Variants in ST3GAL3 observed in about 807,000 individuals in gnomAD.
ST3GAL3 encodes the protein CMP-N-acetylneuraminate-beta-1,4-galactoside alpha-2,3-sialyltransferase.
ST3GAL3 carries 21 observed loss-of-function variants against 50.1 expected under a neutral mutation model. That is an observed-to-expected ratio of 0.42 (90% CI 0.30 to 0.60). ST3GAL3 has a LOEUF of 0.60. Among genes scored for constraint, ST3GAL3 ranks in the 20% least tolerant of loss-of-function variants. ST3GAL3 has a pLI of 0.19. For synonymous variants in ST3GAL3, 183 were observed against 190.0 expected, an observed-to-expected ratio of 0.96 and a Z score of 0.30; for missense variants, 353 against 489.4, an observed-to-expected ratio of 0.72 and a Z score of 2.63.
chr1:43,926,102 G>A (rs1330514852), intron 11 of ST3GAL3, among the ~76,000 whole-genome samples: 1 of 152,100 alleles, frequency 6.6e-6, no homozygotes, highest in Non-Finnish European at 1.5e-5. Context: ...AGGATGACGT[G>A]GCTTCATACG....
chr1:43,835,853 G>A (rs2064241086), intron 4 of ST3GAL3, among the ~76,000 whole-genome samples: 1 of 152,188 alleles, frequency 6.6e-6, no homozygotes, highest in African/African-American at 2.4e-5. Context: ...GACATGAAGA[G>A]ACTCAAAATG....
At chr1:43,739,961 G>A (rs890594191) in intron 2 of ST3GAL3, among the ~76,000 whole-genome samples, 10 of 151,966 alleles carry the variant, frequency 6.6e-5, no homozygotes, top group South Asian at 6.2e-4. Context: ...AAATATGTAC[G>A]CATACATATA....
At chr1:43,907,758 C>T (rs866865497) in intron 9 of ST3GAL3, among the ~76,000 whole-genome samples, 1 of 152,170 alleles carries the variant, frequency 6.6e-6, no homozygotes, top group African/African-American at 2.4e-5. Flanking sequence ...TCCTTTCTCA[C>T]CTCTTTGCCG....
At chr1:43,715,537 C>T (rs903800425) in intron 1 of ST3GAL3, among the ~76,000 whole-genome samples, 6 of 151,214 alleles carry the variant, frequency 4.0e-5, no homozygotes, top group African/African-American at 1.5e-4. Context: ...GATCATGCCA[C>T]TACACTCCAG....
intron 2 of ST3GAL3, among the ~76,000 whole-genome samples, chr1:43,777,678 A>T (rs1006106514): frequency 6.6e-6 from 1 of 152,258 alleles, no homozygotes; most frequent in African/African-American, 2.4e-5. Flanking sequence ...AGGCAATACC[A>T]TTCAGGACAT....
intron 9 of ST3GAL3, among the ~76,000 whole-genome samples, chr1:43,905,099 A>C (rs919357126): frequency 0.042 from 300 of 7,068 alleles, 4 homozygotes; most frequent in Middle Eastern, 0.1. Context: ...CACTCTTCCT[A>C]CCCTTCATCC....
chr1:43,913,325 C>T (rs2081254361), intron 9 of ST3GAL3: 1 of 152,182 alleles, frequency 6.6e-6, no homozygotes, highest in Non-Finnish European at 1.5e-5. Context: ...CTGTAAAACG[C>T]ACAGCATCTC....
intron 5 of ST3GAL3, among the ~76,000 whole-genome samples, chr1:43,843,479 T>C (rs2065750849): frequency 6.6e-6 from 1 of 152,252 alleles, no homozygotes; most frequent in African/African-American, 2.4e-5. Context: ...TTTTTACACA[T>C]TGCTCTATTC....
rs528646773 is a variant in ST3GAL3 at position 43,885,062 on chromosome 1, C to T, written c.303-9321C>T. Among the ~76,000 whole-genome samples, 4 of 152,356 alleles carry T rather than the reference C, an allele frequency of 2.6e-5. No homozygotes were observed. The South Asian group carries it at 6.2e-4, about 24-fold the overall frequency. ...ATGAGCCAGTGTTGAGGACATTCAC[C>T]TTATACGCTGCACCTTAGCCACATT... On this transcript the variant is annotated intron_variant, in intron 5 of 11. Transcript: ENST00000347631.
intron 11 of ST3GAL3, among the ~76,000 whole-genome samples, chr1:43,925,535 T>C (rs1437813390): frequency 1.3e-5 from 2 of 152,228 alleles, no homozygotes; most frequent in African/African-American, 4.8e-5. Flanking sequence ...GCCACTGTTA[T>C]TTACCAATCC....
chr1:43,776,514 T>A (rs1040627015), intron 2 of ST3GAL3, among the ~76,000 whole-genome samples: 2 of 152,206 alleles, frequency 1.3e-5, no homozygotes, highest in Admixed American at 6.5e-5. Flanking sequence ...CACTTTAAAC[T>A]CTTATTATCA....
At chr1:43,731,477 C>T (rs560424088) in intron 1 of ST3GAL3, among the ~76,000 whole-genome samples, 14 of 149,766 alleles carry the variant, frequency 9.3e-5, no homozygotes, top group African/African-American at 2.7e-4. Flanking sequence ...CTCCACCTCC[C>T]GGGTTCACGC....
chr1:43,751,921 C>T (rs967067659), intron 2 of ST3GAL3, among the ~76,000 whole-genome samples: 22 of 151,756 alleles, frequency 1.4e-4, no homozygotes, highest in Admixed American at 5.2e-4. Flanking sequence ...CGGGTTCAAG[C>T]GATTCTCCTG....
chr1:43,741,402 C>A (rs1169954456), intron 2 of ST3GAL3, among the ~76,000 whole-genome samples: 1 of 152,164 alleles, frequency 6.6e-6, no homozygotes, highest in Non-Finnish European at 1.5e-5. Context: ...CCTTTGTGTT[C>A]TTCCTCATAT....
At chr1:43,910,728 G>T (rs1044738005) in intron 9 of ST3GAL3, among the ~76,000 whole-genome samples, 3 of 152,194 alleles carry the variant, frequency 2.0e-5, no homozygotes, top group Non-Finnish European at 4.4e-5. Flanking sequence ...CATGTTTTGG[G>T]CATAGAGAAC....
At chr1:43,713,899 A>G (rs1571119376) in intron 1 of ST3GAL3, among the ~76,000 whole-genome samples, 1 of 152,084 alleles carries the variant, frequency 6.6e-6, no homozygotes, top group East Asian at 1.9e-4. Flanking sequence ...ATTTTAAGTG[A>G]TGGATGATGC....
At chr1:43,724,222 A>AT (rs1671870911) in intron 1 of ST3GAL3, among the ~76,000 whole-genome samples, 3 of 151,468 alleles carry the variant, frequency 2.0e-5, no homozygotes, top group African/African-American at 4.9e-5. Flanking sequence ...TTATTTATTT[A>AT]TTTTTTGAGA....
intron 2 of ST3GAL3, among the ~76,000 whole-genome samples, chr1:43,756,426 A>G (rs1461752549): frequency 1.3e-5 from 2 of 152,192 alleles, no homozygotes; most frequent in African/African-American, 2.4e-5. Context: ...ACTTCAAATC[A>G]TGTACTTTAA....
intron 2 of ST3GAL3, among the ~76,000 whole-genome samples, chr1:43,755,443 G>A (rs902777267): frequency 2.6e-5 from 4 of 152,144 alleles, no homozygotes; most frequent in African/African-American, 7.2e-5. Context: ...GAGCACGCTA[G>A]CAATAATTAA....
Sources: allele counts gnomAD v4.1 joint callset (sites outside exome capture counted in the v4.1 genomes callset), GRCh38; gene constraint gnomAD v4.1.1; transcripts MANE v1.5; gene names NCBI Gene and HGNC (gene_info 2026-07-23, HGNC 2026-07-21).